The following MGST1 variants were observed in gnomAD, a reference collection of about 807,000 sequenced individuals.
The protein encoded by MGST1 is microsomal glutathione S-transferase 1.
A neutral mutation model predicts 8.9 loss-of-function variants in MGST1; 5 were observed. The ratio of observed to expected loss-of-function variants is 0.56; its 90% CI spans 0.29 to 1.19. The LOEUF (loss-of-function observed/expected upper bound fraction) is 1.19, where lower values mean the gene tolerates loss of function less well. MGST1 is among the 50% of genes most tolerant of loss of function. The probability of loss-of-function intolerance (pLI) is 0.08; values close to 1 mark genes in which losing one functional copy is unlikely to be tolerated. For synonymous variants in MGST1, 54 were observed against 67.8 expected (o/e 0.80, Z 1.00); for missense variants, 182 against 187.4 (o/e 0.97, Z 0.17).
In MGST1 at chr12:16,560,849, A is replaced by G. The variant is rs1317953377; in HGVS notation, n.483-28679A>G. 8.9e-6 allele frequency: 3 copies of G among 336,750 alleles called. No individual in the cohort carries two copies. 20.9% of individuals were successfully genotyped at this position (336,750 alleles called of 1,614,324 possible). ...ATAGCAAAAATCTCTGGGTTAGAGT[A>G]TATAGAAAATATAAAAGCAATATAA... On this transcript the variant is annotated intron_variant and non_coding_transcript_variant, in intron 4 of 4. Coordinates refer to the MGST1 transcript ENST00000538857. This position sits in a 1 kb window ranked among gnomAD's most constrained non-coding sequence, Gnocchi z 5.0.
At chr12:16,468,746 G>T (rs756355672) in intron 4 of MGST1, among the ~76,000 whole-genome samples, 4 of 152,152 alleles carry the variant, frequency 2.6e-5, no homozygotes, top group Non-Finnish European at 5.9e-5. Flanking sequence ...ACTGCTAATT[G>T]TCCCCTAGTA....
chr12:16,484,684 C>T lies in MGST1; in HGVS notation n.482+101080C>T, dbSNP rs145440356. ...TACACATTTTTAAACAACCGGATCTCGTGAGAACTTAGTGTCATGAGAAGT... is the reference window on the plus strand; with the variant it reads ...TACACATTTTTAAACAACCGGATCTTGTGAGAACTTAGTGTCATGAGAAGT... On this transcript the variant is annotated intron_variant and non_coding_transcript_variant, in intron 4 of 4. Transcript: ENST00000538857. Among the ~76,000 whole-genome samples, 9 of 151,994 alleles carry T rather than the reference C, an allele frequency of 5.9e-5. No homozygotes were observed. The South Asian group carries it at 1.0e-3, about 18-fold the overall frequency.
intron 4 of MGST1, among the ~76,000 whole-genome samples, chr12:16,459,566 A>G (rs988997190): frequency 6.6e-6 from 1 of 152,082 alleles, no homozygotes; most frequent in Non-Finnish European, 1.5e-5. Flanking sequence ...GTACACATAG[A>G]CAAATTTTAT....
intron 3 of MGST1, among the ~76,000 whole-genome samples, chr12:16,375,371 G>C (rs1207923508): frequency 6.6e-6 from 1 of 152,030 alleles, no homozygotes; most frequent in African/African-American, 2.4e-5. Context: ...TAAACACAAA[G>C]AGCAGTTCCT....
intron 1 of MGST1, among the ~76,000 whole-genome samples, chr12:16,353,050 G>A (rs1939541718): frequency 6.6e-6 from 1 of 150,770 alleles, no homozygotes; most frequent in South Asian, 2.1e-4. Flanking sequence ...TTTTTGGAGG[G>A]GGAGACAGAG....
rs192005351 is a variant in MGST1 at position 16,429,946 on chromosome 12, G to A, written n.779-7442G>A. On this transcript the variant is annotated intron_variant and non_coding_transcript_variant, in intron 1 of 1. Coordinates refer to the MGST1 transcript ENST00000359720. ...CTGTGGCATGTGAGGTTATTCGATA[G>A]CATTTTACCTGCAGTAGAACTTTAA... 1.8e-4 allele frequency among the ~76,000 whole-genome samples: 27 copies of A among 152,220 alleles called. No homozygotes were observed. The East Asian group carries it at 3.7e-3, about 21-fold the overall frequency.
chr12:16,571,028 T>C (rs887301331), intron 4 of MGST1, among the ~76,000 whole-genome samples: 1 of 152,042 alleles, frequency 6.6e-6, no homozygotes, highest in African/African-American at 2.4e-5. Flanking sequence ...AAACTTAAAG[T>C]ATAATAATAA....
chr12:16,425,930 A>G (rs1591724406), intron 1 of MGST1, among the ~76,000 whole-genome samples: 3 of 152,086 alleles, frequency 2.0e-5, no homozygotes, highest in African/African-American at 7.2e-5. Context: ...TTGAAATATC[A>G]CTTTCATTTG....
Position 16,510,279 on chromosome 12 carries a change from A to G in MGST1, n.483-79249A>G, listed in dbSNP as rs200958359. On this transcript the variant is annotated intron_variant and non_coding_transcript_variant, in intron 4 of 4. Transcript: ENST00000538857. ...AGGAGGTGGGGAAGAAGGGAAAGGA[A>G]GAAGGGAAAGAGAGAGAACCGAAGA... Among the ~76,000 whole-genome samples, 27 of 152,310 alleles carry G rather than the reference A, an allele frequency of 1.8e-4. No individual in the cohort carries two copies. The East Asian group carries it at 3.7e-3, about 21-fold the overall frequency.
At chr12:16,505,136 C>A (rs1016441314) in intron 4 of MGST1, among the ~76,000 whole-genome samples, 1 of 152,132 alleles carries the variant, frequency 6.6e-6, no homozygotes. Context: ...AGAGGGCAAT[C>A]TCAACTATTT....
intron 4 of MGST1, among the ~76,000 whole-genome samples, chr12:16,515,113 C>A (rs1399637050): frequency 1.3e-5 from 2 of 152,200 alleles, no homozygotes; most frequent in Non-Finnish European, 2.9e-5. Flanking sequence ...GTCCTCTCAT[C>A]ATGGAGCAAC....
intron 1 of MGST1, among the ~76,000 whole-genome samples, chr12:16,431,583 A>G (rs1940940303): frequency 1.3e-5 from 2 of 152,090 alleles, no homozygotes; most frequent in African/African-American, 4.8e-5. Flanking sequence ...AGCAATCAGA[A>G]CCCACAGTAC....
chr12:16,591,396 A>T (rs1449050143), downstream of MGST1, among the ~76,000 whole-genome samples: 2 of 151,894 alleles, frequency 1.3e-5, no homozygotes, highest in Admixed American at 1.3e-4. This position sits in a 1 kb window ranked among gnomAD's most constrained non-coding sequence, Gnocchi z 4.1. Context: ...ACAAACCAAA[A>T]TTCTACAAAC....
At chr12:16,554,694 C>T (rs1942120749) in intron 4 of MGST1, among the ~76,000 whole-genome samples, 1 of 152,148 alleles carries the variant, frequency 6.6e-6, no homozygotes, top group South Asian at 2.1e-4. Flanking sequence ...AAATAAAATA[C>T]CTCTCTTGAA....
intron 4 of MGST1, among the ~76,000 whole-genome samples, chr12:16,487,600 AC>A (rs1217383194): frequency 1.3e-5 from 2 of 152,212 alleles, no homozygotes; most frequent in African/African-American, 4.8e-5. Flanking sequence ...ATATGTTAAT[AC>A]TAGGAACACT....
intron 4 of MGST1, among the ~76,000 whole-genome samples, chr12:16,515,617 C>T (rs1218070478): frequency 1.3e-4 from 17 of 130,290 alleles, no homozygotes; most frequent in Admixed American, 1.8e-4. Flanking sequence ...GCAACAAGAG[C>T]GAAACTCTAT....
At chr12:16,366,529 T>C (rs1940190936), downstream of MGST1, among the ~76,000 whole-genome samples, 1 of 152,074 alleles carries the variant, frequency 6.6e-6, no homozygotes, top group African/African-American at 2.4e-5. The surrounding 1 kb of genome is among the most constrained non-coding windows in gnomAD (Gnocchi z 4.0). Context: ...TTAACACTAT[T>C]ACTTATGAGG....
intron 4 of MGST1, among the ~76,000 whole-genome samples, chr12:16,465,439 G>C (rs1485860675): frequency 6.6e-6 from 1 of 152,144 alleles, no homozygotes; most frequent in Admixed American, 6.5e-5. Context: ...GGCCTGTTAG[G>C]AACTGGATCG....
intron 1 of MGST1, among the ~76,000 whole-genome samples, chr12:16,352,768 A>G (rs964134942): frequency 6.6e-6 from 1 of 152,194 alleles, no homozygotes; most frequent in South Asian, 2.1e-4. Flanking sequence ...AGGATCATGT[A>G]AAGCTAATTC....
Sources: allele counts gnomAD v4.1 joint callset (sites outside exome capture counted in the v4.1 genomes callset), GRCh38; gene constraint gnomAD v4.1.1; non-coding constraint Gnocchi (gnomAD v3.1); transcripts MANE v1.5; gene names NCBI Gene and HGNC (gene_info 2026-07-23, HGNC 2026-07-21).